SMIM41: variants seen among roughly 807,000 people sequenced by gnomAD.
SMIM41 encodes the protein small integral membrane protein 41.
Position 52,081,160 on chromosome 12 carries a change from CCTT to C in SMIM41, c.*120+982_*120+984del, listed in dbSNP as rs1939813995. ...GACAGAGCCACAGGGGCTGGAGAGG[CCTT>C]CTCTGTTCCTTCCCTCTGTTCAGCT... On this transcript the variant is annotated intron_variant, in intron 1 of 2. Coordinates refer to ENST00000546390, the MANE Select transcript of SMIM41 (RefSeq NM_001369216.1). The surrounding 1 kb of genome is among the most constrained non-coding windows in gnomAD (Gnocchi z 4.1). 6.6e-6 allele frequency among the ~76,000 whole-genome samples: 1 copy of C among 152,096 alleles called. No homozygotes were observed. Among genetic ancestry groups the C allele is most frequent in the South Asian group, 2.1e-4 (1 of 4,828 alleles).
At chr12:52,094,171 C>T (rs1940051119) in intron 2 of SMIM41, among the ~76,000 whole-genome samples, 1 of 147,662 alleles carries the variant, frequency 6.8e-6, no homozygotes, top group Non-Finnish European at 1.5e-5. Context: ...AAAAATCTAA[C>T]TTGAACAATT....
At chr12:52,091,729 G>A (rs1479471157) in intron 2 of SMIM41, among the ~76,000 whole-genome samples, 1 of 152,198 alleles carries the variant, frequency 6.6e-6, no homozygotes. Flanking sequence ...ATGTATGATA[G>A]CTCCTTAACT....
intron 2 of SMIM41, among the ~76,000 whole-genome samples, chr12:52,106,990 T>G (rs1053226138): frequency 2.0e-5 from 3 of 152,248 alleles, no homozygotes; most frequent in African/African-American, 7.2e-5. Context: ...GTGAAGAGAA[T>G]GGTTTTATTA....
chr12:52,098,558 TC>T, intron 2 of SMIM41, among the ~76,000 whole-genome samples: 1 of 150,138 alleles, frequency 6.7e-6, no homozygotes, highest in African/African-American at 2.5e-5. Flanking sequence ...ATCATCCTCT[TC>T]CCCCCTGGAT....
At chr12:52,103,641 C>T (rs1227047662) in intron 2 of SMIM41, among the ~76,000 whole-genome samples, 1 of 152,098 alleles carries the variant, frequency 6.6e-6, no homozygotes, top group Non-Finnish European at 1.5e-5. Context: ...CGCCTGTAAT[C>T]CCAGCTACTC....
At chr12:52,099,457 T>C (rs1940170921) in intron 2 of SMIM41, among the ~76,000 whole-genome samples, 1 of 151,838 alleles carries the variant, frequency 6.6e-6, no homozygotes, top group South Asian at 2.1e-4. Context: ...CCCCCTGTGA[T>C]ATTAGGAGCA....
intron 2 of SMIM41, among the ~76,000 whole-genome samples, chr12:52,085,614 A>T (rs546399895): frequency 6.6e-6 from 1 of 152,262 alleles, no homozygotes; most frequent in South Asian, 2.1e-4. Context: ...GTCTTCTCAC[A>T]TGTCACTTGG....
In SMIM41 at chr12:52,079,786, G is replaced by C. The variant is rs2120641664; in HGVS notation, c.7G>C (p.Gly3Arg). MNGSQAGAAAQAA... is the reference protein window; with the variant it reads MNRSQAGAAAQAA... ...GGGCAGCCGGCGCTGGAGCATGAAC[G>C]GCTCTCAGGCGGGCGCCGCGGCTCA... Residue 3 changes from glycine (G) to arginine (R), a missense_variant, in exon 1 of 3, where the codon GGC becomes CGC. Coordinates refer to ENST00000546390, the MANE Select transcript of SMIM41 (RefSeq NM_001369216.1). 5.1e-6 allele frequency: 2 copies of C among 393,440 alleles called. No homozygotes were observed. Among genetic ancestry groups the C allele is most frequent in the South Asian group, 1.3e-4 (1 of 7,834 alleles). The allele number at this position is 393,440 out of a possible 1,614,324, so 24.4% of individuals were successfully genotyped here. A position where few individuals can be genotyped will look rare whatever the true frequency, so the allele number is the denominator to read the frequency against.
At chr12:52,101,843 G>C (rs1241279982) in intron 2 of SMIM41, among the ~76,000 whole-genome samples, 1 of 152,098 alleles carries the variant, frequency 6.6e-6, no homozygotes, top group Non-Finnish European at 1.5e-5. Context: ...CTCCCGAGTA[G>C]CTGGGATTAC....
intron 2 of SMIM41, among the ~76,000 whole-genome samples, chr12:52,086,827 T>G (rs1939901345): frequency 6.7e-6 from 1 of 148,950 alleles, no homozygotes; most frequent in Non-Finnish European, 1.5e-5. Flanking sequence ...CAGTGTAGAT[T>G]GCTTGGCTCA....
chr12:52,080,219 T>C, intron 1 of SMIM41, 38 bp downstream of exon 1: 1 of 281,618 alleles, frequency 3.6e-6, no homozygotes, highest in East Asian at 6.1e-5. Flanking sequence ...GCGCGGGGGT[T>C]CGGGGGGCTA....
intron 2 of SMIM41, among the ~76,000 whole-genome samples, chr12:52,090,163 C>T (rs1034048191): frequency 1.3e-5 from 2 of 152,090 alleles, no homozygotes; most frequent in African/African-American, 2.4e-5. Context: ...CTCCACCTCC[C>T]GGGTTCAAGC....
Position 52,083,094 on chromosome 12 carries a change from C to T in SMIM41, c.*121-800C>T, listed in dbSNP as rs575358884. Among the ~76,000 whole-genome samples the T allele has an allele frequency of 3.9e-5, 6 of 152,274 alleles. No individual in the cohort carries two copies. In the South Asian group the frequency reaches 8.3e-4, roughly 21 times the overall value. On this transcript the variant is annotated intron_variant, in intron 1 of 2. Transcript: ENST00000546390. ...ACCTGGGAGACCTGCACTCCCAGCC[C>T]GCTTGAGGCCTGCTGCATGTCCTGG...
chr12:52,082,325 T>C (rs542635407), intron 1 of SMIM41, among the ~76,000 whole-genome samples: 1 of 152,206 alleles, frequency 6.6e-6, no homozygotes, highest in South Asian at 2.1e-4. Flanking sequence ...TCGTGTCTGC[T>C]CACACCCAGG....
chr12:52,094,603 G>A (rs2120687066), intron 2 of SMIM41: 1 of 152,540 alleles, frequency 6.6e-6, no homozygotes, highest in South Asian at 2.1e-4. Flanking sequence ...CTGGGATGTT[G>A]GTCAAGCTAT....
At chr12:52,096,497 T>C (rs1940096981) in intron 2 of SMIM41, among the ~76,000 whole-genome samples, 1 of 151,928 alleles carries the variant, frequency 6.6e-6, no homozygotes, top group African/African-American at 2.4e-5. Context: ...TAATTATTAC[T>C]CATTTATTAT....
chr12:52,098,733 A>C (rs1940152907), intron 2 of SMIM41, among the ~76,000 whole-genome samples: 1 of 74,228 alleles, frequency 1.3e-5, no homozygotes, highest in South Asian at 3.9e-4. Flanking sequence ...GAACAATATC[A>C]CGGGGGGGGG....
Position 52,107,561 on chromosome 12 carries a change from G to T in SMIM41, c.*378G>T. 2.3e-6 allele frequency: 2 copies of T among 870,170 alleles called. No homozygotes were observed. Among genetic ancestry groups the T allele is most frequent in the African/African-American group, 1.7e-5 (1 of 59,288 alleles). 53.9% of individuals were successfully genotyped at this position (870,170 alleles called of 1,614,324 possible). On this transcript the variant is annotated 3_prime_UTR_variant, in exon 3 of 3. Transcript: ENST00000546390. ...CTGACATCGGTTTCACCTCCACCAC[G>T]GTCCCCCAGATGACTGTGGACATCC... is the stretch of plus-strand genomic sequence containing the variant.
intron 1 of SMIM41, among the ~76,000 whole-genome samples, chr12:52,080,397 TTG>T (rs972790331): frequency 2.0e-5 from 3 of 152,144 alleles, no homozygotes; most frequent in Non-Finnish European, 4.4e-5. Context: ...CCGCCCCGGA[TTG>T]TGTCTCCTGC....
Sources: gnomAD v4.1 joint callset for allele counts (sites outside exome capture counted in the v4.1 genomes callset) on GRCh38, gnomAD v4.1.1 for gene constraint, Gnocchi (gnomAD v3.1) non-coding constraint, MANE v1.5 for transcripts, NCBI Gene and HGNC (gene_info 2026-07-23, HGNC 2026-07-21) for gene names.